AP3B1: variants seen among roughly 807,000 people sequenced by gnomAD.
AP3B1 encodes adaptor related protein complex 3 subunit beta 1, also known as AP-3 complex subunit beta-1.
A neutral mutation model predicts 132.5 loss-of-function variants in AP3B1; 61 were observed. The observed-to-expected ratio is 0.46, with a 90% confidence interval of 0.37 to 0.57. The LOEUF (loss-of-function observed/expected upper bound fraction) is 0.57. AP3B1 is among the 20% of genes least tolerant of loss of function. The probability of loss-of-function intolerance (pLI) is 0.00; values close to 1 mark genes in which losing one functional copy is unlikely to be tolerated. For synonymous variants in AP3B1, 388 were observed against 438.3 expected (o/e 0.89, Z 1.43); for missense variants, 1,120 against 1,289.4 (o/e 0.87, Z 2.01).
intron 20 of AP3B1, among the ~76,000 whole-genome samples, chr5:78,102,344 C>T (rs1035997040): frequency 2.0e-5 from 3 of 152,054 alleles, no homozygotes; most frequent in African/African-American, 4.8e-5. Context: ...TCAAGGACCA[C>T]ATAATAATAT....
rs1372506388 is a variant in AP3B1 at position 78,015,477 on chromosome 5, TCA to T, written c.3062_3063del (p.Val1021AspfsTer20). The T allele has an allele frequency of 6.2e-7, 1 of 1,613,744 alleles. No individual in the cohort carries two copies. The highest frequency in any genetic ancestry group is 8.5e-7 in the Non-Finnish European group (1 of 1,179,862). Reference sequence around the variant, plus strand: ...GCTACATTTACAACCTTCTGAAAGATCACAGAGGGAGTGAAATTCTGTGGTGC... The same window carrying T: ...GCTACATTTACAACCTTCTGAAAGATCAGAGGGAGTGAAATTCTGTGGTGC... ...IAAPQNFTPSVIFQKVVNVAN... is the reference protein window; with the variant it reads ...IAAPQNFTPSXIFQKVVNVAN... On this transcript the variant is annotated frameshift_variant, in exon 26 of 27. Transcript: ENST00000255194. LOFTEE classifies it high-confidence loss of function.
intron 7 of AP3B1, among the ~76,000 whole-genome samples, chr5:78,191,345 G>A (rs1418061691): frequency 9.4e-6 from 1 of 106,784 alleles, no homozygotes; most frequent in Non-Finnish European, 1.8e-5. Context: ...TTTTGGAATT[G>A]CTTTTCCCCA....
At chr5:78,289,326 T>C (rs1749413913) in intron 1 of AP3B1, among the ~76,000 whole-genome samples, 1 of 152,212 alleles carries the variant, frequency 6.6e-6, no homozygotes, top group African/African-American at 2.4e-5. Flanking sequence ...ATGTTTGATA[T>C]TGTAAAGTTG....
chr5:78,097,564 T>G (rs1472737043), intron 21 of AP3B1, among the ~76,000 whole-genome samples: 2 of 96,472 alleles, frequency 2.1e-5, no homozygotes, highest in African/African-American at 4.2e-5. Context: ...AGGTAGGGGG[T>G]CAGCCCCCCG....
At chr5:78,177,310 G>GA (rs781439510) in intron 9 of AP3B1, 29 bp downstream of exon 9, 1 of 1,489,266 alleles carries the variant, frequency 6.7e-7, no homozygotes, top group Non-Finnish European at 9.3e-7. Flanking sequence ...GAATACAAAA[G>GA]AAAAAATATA....
chr5:78,029,586 CTTTT>C (rs1747487316), intron 24 of AP3B1, among the ~76,000 whole-genome samples: 1 of 152,094 alleles, frequency 6.6e-6, no homozygotes, highest in Admixed American at 6.6e-5. Flanking sequence ...CTCCAGCCAC[CTTTT>C]TTTGTTTTAT....
chr5:78,021,021 G>T (rs994690906), intron 24 of AP3B1, among the ~76,000 whole-genome samples: 1 of 151,582 alleles, frequency 6.6e-6, no homozygotes, highest in Non-Finnish European at 1.5e-5. Flanking sequence ...AACTACACAG[G>T]TATAGTAAAT....
chr5:78,123,654 T>C (rs1045030363), intron 17 of AP3B1, among the ~76,000 whole-genome samples: 2 of 152,040 alleles, frequency 1.3e-5, no homozygotes, highest in African/African-American at 4.8e-5. Flanking sequence ...TGAGATACCA[T>C]CTCACACCAG....
At chr5:78,116,522 T>C (rs1211771369) in intron 17 of AP3B1, among the ~76,000 whole-genome samples, 2 of 151,070 alleles carry the variant, frequency 1.3e-5, no homozygotes, top group Non-Finnish European at 2.9e-5. Context: ...ACAAAAGTAA[T>C]ATATCCTAAA....
intron 2 of AP3B1, among the ~76,000 whole-genome samples, chr5:78,265,273 C>T (rs1351946852): frequency 6.6e-6 from 1 of 151,502 alleles, no homozygotes; most frequent in African/African-American, 2.4e-5. Flanking sequence ...CCTGTCTCTA[C>T]AAAAAATAAA....
intron 25 of AP3B1, 27 bp from the exon 26 acceptor site, chr5:78,015,575 T>C: frequency 6.2e-7 from 1 of 1,611,222 alleles, no homozygotes; most frequent in South Asian, 1.1e-5. Context: ...AGGCTCCCTT[T>C]TATTAATTTC....
intron 7 of AP3B1, among the ~76,000 whole-genome samples, chr5:78,199,723 G>C (rs1745216173): frequency 6.6e-6 from 1 of 152,096 alleles, no homozygotes. Context: ...TTAATTAAAA[G>C]TTCCTTTTGT....
Position 78,240,874 on chromosome 5 carries a change from A to G in AP3B1, c.267T>C (p.Ser89=). The change falls in exon 3 of 27, where the codon AGT becomes AGC. Residue 89 remains serine (S), a synonymous_variant. Coordinates refer to ENST00000255194, the MANE Select transcript of AP3B1 (RefSeq NM_003664.5). ...LFPAVVKNVA[S]KNIEIKKLVY... is the part of the protein sequence containing the mutation. Reference sequence around the variant, plus strand: ...ATCAAAACAGTACCTCAATATTTTTACTGGCCACATTCTTCACAACAGCAG... The same window carrying G: ...ATCAAAACAGTACCTCAATATTTTTGCTGGCCACATTCTTCACAACAGCAG... 1 of 1,611,634 alleles carries G rather than the reference A, an allele frequency of 6.2e-7. No individual in the cohort carries two copies. Among genetic ancestry groups the G allele is most frequent in the Non-Finnish European group, 8.5e-7 (1 of 1,177,842 alleles).
At chr5:78,193,770 A>ATATATTTTTTTTTTTTTT in intron 7 of AP3B1, among the ~76,000 whole-genome samples, 1 of 67,212 alleles carries the variant, frequency 1.5e-5, no homozygotes, top group East Asian at 3.3e-4. Context: ...ATATATATAT[A>ATATATTTTTTTTTTTTTT]TTTTTTTTTT....
chr5:78,206,474 T>G (rs1401071904), intron 7 of AP3B1, among the ~76,000 whole-genome samples: 11 of 152,214 alleles, frequency 7.2e-5, no homozygotes, highest in Non-Finnish European at 1.6e-4. Flanking sequence ...TTATGGAGAA[T>G]GTGGTAGAGA....
chr5:78,221,506 G>C (rs926809443), intron 6 of AP3B1, among the ~76,000 whole-genome samples: 2 of 151,668 alleles, frequency 1.3e-5, no homozygotes, highest in African/African-American at 4.8e-5. Context: ...ATTGACAACA[G>C]GAAAGAAATC....
At chr5:78,125,307 C>G (rs16875171) in intron 17 of AP3B1, among the ~76,000 whole-genome samples, 2,405 of 152,144 alleles carry the variant, frequency 0.016, 62 homozygotes, top group African/African-American at 0.053. Flanking sequence ...TTCAAAGTGA[C>G]TTCTACTGTC....
At chr5:78,086,264 T>C (rs1373961166) in intron 22 of AP3B1, among the ~76,000 whole-genome samples, 2 of 152,210 alleles carry the variant, frequency 1.3e-5, no homozygotes, top group African/African-American at 4.8e-5. Context: ...CACAGTTTTC[T>C]TGGGTCACAC....
chr5:78,054,511 C>CA (rs34646359), intron 22 of AP3B1, among the ~76,000 whole-genome samples: 40,670 of 152,034 alleles, frequency 0.27, 6,048 homozygotes, highest in Admixed American at 0.4. Context: ...ATGATTTCGT[C>CA]AAGACAGAAT....
Sources: allele counts gnomAD v4.1 joint callset (sites outside exome capture counted in the v4.1 genomes callset), GRCh38; gene constraint gnomAD v4.1.1; transcripts MANE v1.5; gene names NCBI Gene and HGNC (gene_info 2026-07-23, HGNC 2026-07-21).